Variants in IL16 observed in about 807,000 individuals in gnomAD.
IL16 encodes interleukin 16, also known as pro-interleukin-16.
In IL16, 67 loss-of-function variants were observed where a neutral mutation model predicts 110.1. That is an observed-to-expected ratio of 0.61 (90% confidence interval 0.50 to 0.75). The LOEUF (loss-of-function observed/expected upper bound fraction) is 0.75, where lower values mean the gene tolerates loss of function less well. Among genes scored for constraint, IL16 ranks in the 30% least tolerant of loss-of-function variants. The pLI is 0.00. For synonymous variants in IL16, 689 were observed against 662.9 expected, an observed-to-expected ratio of 1.04 and a Z score of -0.61; for missense variants, 1,545 against 1,655.0, an observed-to-expected ratio of 0.93 and a Z score of 1.15.
At chr15:81,184,432 C>T (rs796791061) in intron 1 of IL16, among the ~76,000 whole-genome samples, 14 of 152,196 alleles carry the variant, frequency 9.2e-5, no homozygotes, top group South Asian at 4.1e-4. Context: ...CTGGCCTCAG[C>T]GGATCCAGGG....
At chr15:81,228,525 T>C (rs1178769251) in intron 2 of IL16, among the ~76,000 whole-genome samples, 1 of 152,040 alleles carries the variant, frequency 6.6e-6, no homozygotes, top group Non-Finnish European at 1.5e-5. Context: ...GGATTCACCA[T>C]GTTGGCTGAG....
intron 9 of IL16, among the ~76,000 whole-genome samples, chr15:81,283,991 A>G (rs1899317669): frequency 1.4e-5 from 2 of 148,096 alleles, no homozygotes. Flanking sequence ...CAACAGAGCA[A>G]GACCCTGTCT....
intron 2 of IL16, among the ~76,000 whole-genome samples, chr15:81,231,368 CTCTCT>C (rs1896976609): frequency 6.9e-6 from 1 of 145,528 alleles, no homozygotes; most frequent in Non-Finnish European, 1.5e-5. Context: ...CTCTCTCTCT[CTCTCT>C]CTCTCTCTCC....
chr15:81,243,827 T>G (rs1169471401), intron 2 of IL16, among the ~76,000 whole-genome samples: 1 of 152,158 alleles, frequency 6.6e-6, no homozygotes, highest in African/African-American at 2.4e-5. Context: ...TTTAGTACAT[T>G]TATGTGTGTA....
chr15:81,313,637 G>A lies in IL16; in HGVS notation c.*4839G>A. On this transcript the variant is annotated 3_prime_UTR_variant, in exon 19 of 19. Coordinates refer to ENST00000683961, the MANE Select transcript of IL16 (RefSeq NM_172217.5). ...GCCTCTCCCGGCCTCCAGGGAGGAA[G>A]AAGTCCCTACTCCCAGCCCAAAAAC... 3.0e-6 allele frequency: 1 copy of A among 333,884 alleles called. No homozygotes were observed. Among genetic ancestry groups the A allele is most frequent in the Non-Finnish European group, 5.4e-6 (1 of 185,934 alleles). 20.7% of individuals were successfully genotyped at this position (333,884 alleles called of 1,614,324 possible).
chr15:81,264,764 A>G (rs1377819924), intron 3 of IL16, among the ~76,000 whole-genome samples: 1 of 152,202 alleles, frequency 6.6e-6, no homozygotes, highest in Non-Finnish European at 1.5e-5. Flanking sequence ...TCAAAGACCC[A>G]CTGGATTCAA....
intron 12 of IL16, chr15:81,295,233 C>A: frequency 3.2e-6 from 1 of 313,714 alleles, no homozygotes; most frequent in Non-Finnish European, 5.2e-6. Context: ...CTGCTCTCTC[C>A]CTCTTTCCTT....
At chr15:81,251,471 G>T (rs1897766666) in intron 2 of IL16, among the ~76,000 whole-genome samples, 1 of 152,106 alleles carries the variant, frequency 6.6e-6, no homozygotes, top group South Asian at 2.1e-4. Flanking sequence ...AGACATAGAA[G>T]TCTCCTGTCA....
At chr15:81,231,075 A>T (rs572369992) in intron 2 of IL16, among the ~76,000 whole-genome samples, 2 of 152,110 alleles carry the variant, frequency 1.3e-5, no homozygotes, top group African/African-American at 4.8e-5. Flanking sequence ...ACAGTGGCTC[A>T]TGCCTGTAAT....
At chr15:81,232,051 T>TTG (rs1897017562) in intron 2 of IL16, among the ~76,000 whole-genome samples, 3 of 119,476 alleles carry the variant, frequency 2.5e-5, no homozygotes, top group Non-Finnish European at 5.7e-5. Flanking sequence ...TGTTTTTTTT[T>TTG]TTTTTTTTTT....
Position 81,300,073 on chromosome 15 carries a change from A to G in IL16, c.2747A>G (p.Asp916Gly). 1 of 1,572,656 alleles carries G rather than the reference A, an allele frequency of 6.4e-7. No individual in the cohort carries two copies. The highest frequency in any genetic ancestry group is 8.6e-7 in the Non-Finnish European group (1 of 1,161,120). Residue 916 changes from aspartate (D) to glycine (G), a missense_variant, in exon 14 of 19, where the codon GAC becomes GGC. Coordinates refer to ENST00000683961, the MANE Select transcript of IL16 (RefSeq NM_172217.5). The stretch of plus-strand genomic sequence containing the variant: ...TCCCCTGCAGCCTCCGAGGCCAGAG[A>G]CCCAGGTGTGTCTGAGTCCCCTCCC... ...SGSPAASEAR[D>G]PGVSESPPPG... is the part of the protein sequence containing the mutation.
chr15:81,292,632 G>A lies in IL16; in HGVS notation c.1497G>A (p.Pro499=), dbSNP rs752281273. Residue 499 remains proline (P), a synonymous_variant, in exon 12 of 19, where the codon CCG becomes CCA. Transcript: ENST00000683961. The stretch of plus-strand genomic sequence containing the variant: ...AACGAGAGAAGAACTCAGCACCCCC[G>A]CATCGCAGGGCTCAGAAGGTCATGA... ...EKEREKNSAP[P]HRRAQKVMIR... 66 of 1,611,388 alleles carry A rather than the reference G, an allele frequency of 4.1e-5. No individual in the cohort carries two copies. Among genetic ancestry groups the A allele is most frequent in the Admixed American group, 1.8e-4 (11 of 59,940 alleles).
chr15:81,300,381 A>C lies in IL16; in HGVS notation c.3055A>C (p.Lys1019Gln). Residue 1019 changes from lysine (K) to glutamine (Q), a missense_variant, in exon 14 of 19, where the codon AAG becomes CAG. Coordinates refer to ENST00000683961, the MANE Select transcript of IL16 (RefSeq NM_172217.5). Reference protein sequence around the residue: ...ISCAQTPCIPKEGASPTSSSN... With the variant: ...ISCAQTPCIPQEGASPTSSSN... ...CTGTGCCCAGACTCCCTGCATCCCC[A>C]AGGAAGGGGCATCTCCAACATCATC... 1.2e-6 allele frequency: 2 copies of C among 1,613,926 alleles called. No individual in the cohort carries two copies. Among genetic ancestry groups the C allele is most frequent in the East Asian group, 2.2e-5 (1 of 44,878 alleles).
chr15:81,207,826 C>T (rs1896091127), intron 1 of IL16, among the ~76,000 whole-genome samples: 1 of 146,970 alleles, frequency 6.8e-6, no homozygotes, highest in South Asian at 2.1e-4. Flanking sequence ...CCACAATGAG[C>T]ATACAAGTGC....
chr15:81,277,992 G>A (rs1191540628), intron 6 of IL16, among the ~76,000 whole-genome samples: 1 of 152,052 alleles, frequency 6.6e-6, no homozygotes, highest in Non-Finnish European at 1.5e-5. Flanking sequence ...CAAGTATACT[G>A]TTGTGAAAAA....
intron 5 of IL16, among the ~76,000 whole-genome samples, chr15:81,270,588 A>G (rs1898589055): frequency 6.6e-6 from 1 of 152,224 alleles, no homozygotes. Context: ...ACTGTCTTCT[A>G]TGCTGACTTT....
At position 81,290,545 on chromosome 15, in the gene IL16, G is replaced by C. The variant is rs780980952; in HGVS notation, c.1420+5G>C. The stretch of plus-strand genomic sequence containing the variant: ...GGCATCAGTGGAGTCTGGAAGGTAA[G>C]ACAAATGGTGAACTTTGATGTAAAA... On this transcript the variant is annotated splice_donor_5th_base_variant and intron_variant, in intron 11 of 18. Transcript: ENST00000683961. The C allele has an allele frequency of 1.3e-6, 2 of 1,585,636 alleles. No individual in the cohort carries two copies. The highest frequency in any genetic ancestry group is 2.2e-5 in the South Asian group (2 of 89,618).
At chr15:81,250,816 A>G (rs1372817406) in intron 2 of IL16, among the ~76,000 whole-genome samples, 2 of 152,144 alleles carry the variant, frequency 1.3e-5, no homozygotes, top group Non-Finnish European at 2.9e-5. Flanking sequence ...AATTGTTTTT[A>G]TGCATTTCCT....
At chr15:81,267,389 G>A (rs1898428875) in intron 4 of IL16, among the ~76,000 whole-genome samples, 1 of 152,086 alleles carries the variant, frequency 6.6e-6, no homozygotes, top group Non-Finnish European at 1.5e-5. Flanking sequence ...CAAAGTTTAG[G>A]AGGCAATTAG....
Sources: gnomAD v4.1 joint callset for allele counts (sites outside exome capture counted in the v4.1 genomes callset) on GRCh38, gnomAD v4.1.1 for gene constraint, MANE v1.5 for transcripts, NCBI Gene and HGNC (gene_info 2026-07-23, HGNC 2026-07-21) for gene names.